The following GCH1 variants were observed in gnomAD, a reference collection of about 807,000 sequenced individuals.
GCH1 encodes GTP cyclohydrolase I.
In GCH1, 5 loss-of-function variants were observed where a neutral mutation model predicts 25.9. The observed-to-expected ratio is 0.19, with a 90% CI of 0.10 to 0.41. The LOEUF (loss-of-function observed/expected upper bound fraction) is 0.41. Ranked by LOEUF, GCH1 falls within the 10% of genes least tolerant of loss-of-function variation. GCH1 has a pLI of 1.00. For missense variants in GCH1, 261 were observed against 336.5 expected, an observed-to-expected ratio of 0.78 and a Z score of 1.75; for synonymous variants, 159 against 129.6, an observed-to-expected ratio of 1.23 and a Z score of -1.54.
intron 1 of GCH1, among the ~76,000 whole-genome samples, chr14:54,897,610 C>G (rs2040506696): frequency 6.6e-6 from 1 of 151,798 alleles, no homozygotes; most frequent in Admixed American, 6.6e-5. Flanking sequence ...TTTTTTAATG[C>G]TGTTGACCCA....
At chr14:54,878,759 A>G (rs1324643791) in intron 1 of GCH1, among the ~76,000 whole-genome samples, 1 of 152,058 alleles carries the variant, frequency 6.6e-6, no homozygotes, top group Non-Finnish European at 1.5e-5. Context: ...TCTTTACTCT[A>G]TGATTCACTT....
chr14:54,892,772 T>G (rs919765712), intron 1 of GCH1, among the ~76,000 whole-genome samples: 1 of 152,030 alleles, frequency 6.6e-6, no homozygotes, highest in Non-Finnish European at 1.5e-5. Flanking sequence ...AAGCCAGACA[T>G]GAAGGACAAA....
At chr14:54,870,335 C>CA (rs561453897) in intron 1 of GCH1, among the ~76,000 whole-genome samples, 4,446 of 65,372 alleles carry the variant, frequency 0.068, 17 homozygotes, top group Non-Finnish European at 0.084. Context: ...CTGTTTTTAC[C>CA]AAAAAAAAAA....
intron 2 of GCH1, among the ~76,000 whole-genome samples, chr14:54,862,424 C>A (rs2039914065): frequency 7.3e-6 from 1 of 137,348 alleles, no homozygotes; most frequent in South Asian, 2.3e-4. Flanking sequence ...CACTCTCTTG[C>A]CAGGCTGGAG....
intron 1 of GCH1, among the ~76,000 whole-genome samples, chr14:54,890,851 T>C (rs1287420883): frequency 6.6e-6 from 1 of 152,164 alleles, no homozygotes; most frequent in Non-Finnish European, 1.5e-5. Context: ...ACTCAAAAGC[T>C]ACTTTCTCCA....
chr14:54,847,040 A>C, intron 4 of GCH1, 59 bp downstream of exon 4: 1 of 707,574 alleles, frequency 1.4e-6, no homozygotes, highest in Non-Finnish European at 2.4e-6. Flanking sequence ...AAAAATAAAA[A>C]TTTAAAAAAA....
chr14:54,867,103 A>G (rs1334112214), intron 1 of GCH1, among the ~76,000 whole-genome samples: 1 of 152,262 alleles, frequency 6.6e-6, no homozygotes, highest in Non-Finnish European at 1.5e-5. Context: ...TAAAATCTTT[A>G]GTCACACAAG....
intron 2 of GCH1, among the ~76,000 whole-genome samples, chr14:54,861,104 G>A (rs369815249): frequency 6.8e-4 from 104 of 152,190 alleles, no homozygotes; most frequent in African/African-American, 2.4e-3. Flanking sequence ...GAGACTCAAC[G>A]GCATCATGGT....
intron 1 of GCH1, among the ~76,000 whole-genome samples, chr14:54,888,514 T>C (rs1187325529): frequency 1.4e-5 from 2 of 143,034 alleles, no homozygotes; most frequent in Non-Finnish European, 3.0e-5. Flanking sequence ...GTTGACATAC[T>C]AGTTTTTTTT....
intron 2 of GCH1, among the ~76,000 whole-genome samples, chr14:54,861,194 T>C (rs1351476439): frequency 1.3e-5 from 2 of 152,158 alleles, no homozygotes; most frequent in Admixed American, 6.6e-5. Flanking sequence ...CCCCCATCCA[T>C]TGGCACTATG....
In GCH1 at chr14:54,902,730, C is replaced by T; in HGVS notation, c.-67G>A. 1 of 1,387,672 alleles carries T rather than the reference C, an allele frequency of 7.2e-7. No homozygotes were observed. Among genetic ancestry groups the T allele is most frequent in the Middle Eastern group, 2.6e-4 (1 of 3,836 alleles). 86.0% of individuals were successfully genotyped at this position (1,387,672 alleles called of 1,614,324 possible). On this transcript the variant is annotated 5_prime_UTR_variant, in exon 1 of 6. Coordinates refer to ENST00000491895, the MANE Select transcript of GCH1 (RefSeq NM_000161.3). ...CGCTTCGAGGTCTGCGGCTAAACTCCGCCGGTGGCCGCGGACAATGGGCTG... is the reference window on the plus strand; with the variant it reads ...CGCTTCGAGGTCTGCGGCTAAACTCTGCCGGTGGCCGCGGACAATGGGCTG...
chr14:54,852,741 A>G (rs1202446751), intron 3 of GCH1, among the ~76,000 whole-genome samples: 2 of 152,164 alleles, frequency 1.3e-5, no homozygotes, highest in African/African-American at 4.8e-5. Context: ...CCAAGAACCC[A>G]TCGACAACGT....
chr14:54,849,391 A>G lies in GCH1; in HGVS notation c.510-2261T>C, dbSNP rs2039691348. Among the ~76,000 whole-genome samples, 8 of 152,086 alleles carry G rather than the reference A, an allele frequency of 5.3e-5. No homozygotes were observed. The South Asian group carries it at 1.7e-3, about 32-fold the overall frequency. On this transcript the variant is annotated intron_variant, in intron 3 of 5. Transcript: ENST00000491895. ...CATTCTGGAAAGATAATTTGTTGAG[A>G]GGTATTTGCTGGGAACCGAATTCTA...
chr14:54,878,475 G>T (rs1020074644), intron 1 of GCH1, among the ~76,000 whole-genome samples: 3 of 152,198 alleles, frequency 2.0e-5, no homozygotes, highest in African/African-American at 4.8e-5. Flanking sequence ...TGCTAACAAA[G>T]ATAAGCCTAT....
chr14:54,851,837 T>A (rs956402805), intron 3 of GCH1, among the ~76,000 whole-genome samples: 2 of 152,208 alleles, frequency 1.3e-5, no homozygotes, highest in Admixed American at 6.5e-5. Context: ...GATCTAGAAC[T>A]AGAAATACCA....
chr14:54,844,256 T>C (rs1467288078), intron 5 of GCH1, 113 bp from the exon 6 acceptor site: 1 of 787,754 alleles, frequency 1.3e-6, no homozygotes, highest in African/African-American at 1.7e-5. Flanking sequence ...TATATCGAAA[T>C]ATCCCTTCTT....
At position 54,902,798 on chromosome 14, in the gene GCH1, A is replaced by C; in HGVS notation, c.-135T>G. The C allele has an allele frequency of 1.6e-5, 19 of 1,161,004 alleles. No individual in the cohort carries two copies. Among genetic ancestry groups the C allele is most frequent in the Non-Finnish European group, 2.0e-5 (18 of 909,496 alleles). 71.9% of individuals were successfully genotyped at this position (1,161,004 alleles called of 1,614,324 possible). ...GGAAGGTACGCAACCTGCTTAGATC[A>C]CACTCCGAGCCGGGAGCGGCCACAG... On this transcript the variant is annotated 5_prime_UTR_variant, in exon 1 of 6. Coordinates refer to ENST00000491895, the MANE Select transcript of GCH1 (RefSeq NM_000161.3).
rs150563865 is a variant in GCH1 at position 54,893,046 on chromosome 14, T to G, written c.343+9275A>C. Among the ~76,000 whole-genome samples the G allele has an allele frequency of 9.5e-3, 1,441 of 152,312 alleles. 28 individuals are homozygous for G. The highest frequency in any genetic ancestry group is 0.033 in the African/African-American group (1,354 of 41,572). ...GTGAGCTGAGATCATGCCACCGCACTCCAGCCTGGGTGACAGAGCAAGACT... is the reference window on the plus strand; with the variant it reads ...GTGAGCTGAGATCATGCCACCGCACGCCAGCCTGGGTGACAGAGCAAGACT... On this transcript the variant is annotated intron_variant, in intron 1 of 5. Transcript: ENST00000491895.
At chr14:54,874,246 T>C (rs2040125040) in intron 1 of GCH1, among the ~76,000 whole-genome samples, 1 of 152,190 alleles carries the variant, frequency 6.6e-6, no homozygotes. Flanking sequence ...AAAAACCACA[T>C]GATTATCTCA....
Sources: allele counts gnomAD v4.1 joint callset (sites outside exome capture counted in the v4.1 genomes callset), GRCh38; gene constraint gnomAD v4.1.1; transcripts MANE v1.5; gene names NCBI Gene and HGNC (gene_info 2026-07-23, HGNC 2026-07-21).